The following FGFR2 variants were observed in gnomAD, a reference collection of about 807,000 sequenced individuals.
The protein encoded by FGFR2 is BEK fibroblast growth factor receptor.
In FGFR2, 19 loss-of-function variants were observed where a neutral mutation model predicts 95.9. That is an observed-to-expected ratio of 0.20 (90% CI 0.14 to 0.29). The LOEUF is 0.29. Ranked by LOEUF, FGFR2 falls within the 10% of genes least tolerant of loss-of-function variation. The pLI, the probability that FGFR2 is intolerant of heterozygous loss-of-function variation, is 1.00. For synonymous variants in FGFR2, 392 were observed against 393.3 expected (o/e 1.00, Z 0.04); for missense variants, 707 against 1,056.9 (o/e 0.67, Z 4.59).
chr10:121,526,744 T>C (rs1202534109), intron 6 of FGFR2: 1 of 398,536 alleles, frequency 2.5e-6, no homozygotes, highest in African/African-American at 2.1e-5. Flanking sequence ...TTGTTTTGTT[T>C]AAACACATTT....
intron 13 of FGFR2, 69 bp downstream of exon 13, chr10:121,496,463 A>T: frequency 3.4e-6 from 5 of 1,472,446 alleles, no homozygotes; most frequent in Non-Finnish European, 4.8e-6. Context: ...GCATGTCCAA[A>T]TTGCCTGTTT....
chr10:121,593,369 T>C (rs1206813862), intron 2 of FGFR2, among the ~76,000 whole-genome samples: 2 of 152,224 alleles, frequency 1.3e-5, no homozygotes, highest in Non-Finnish European at 2.9e-5. Flanking sequence ...GTAGGAATGA[T>C]GCTGGGGGAG....
In FGFR2 at chr10:121,598,393, C is replaced by T. The variant is rs1863749647; in HGVS notation, c.-582G>A. 6.3e-6 allele frequency: 1 copy of T among 158,204 alleles called. No homozygotes were observed. Among genetic ancestry groups the T allele is most frequent in the South Asian group, 1.7e-4 (1 of 5,750 alleles). 9.8% of individuals were successfully genotyped at this position (158,204 alleles called of 1,614,324 possible). ...GCTTTGTGGCGGCCGCGCGCGCTCC[C>T]TCGCCCGCTCCGCACCCGCCGCCCG... On this transcript the variant is annotated 5_prime_UTR_variant, in exon 1 of 18. Coordinates refer to ENST00000358487, the MANE Select transcript of FGFR2 (RefSeq NM_000141.5).
intron 2 of FGFR2, among the ~76,000 whole-genome samples, chr10:121,580,614 C>G (rs1860704220): frequency 6.6e-6 from 1 of 152,146 alleles, no homozygotes; most frequent in Admixed American, 6.5e-5. Context: ...TGGTTTTGCA[C>G]CGCAGGACCC....
intron 2 of FGFR2, among the ~76,000 whole-genome samples, chr10:121,592,085 T>C (rs551891776): frequency 6.6e-6 from 1 of 152,280 alleles, no homozygotes; most frequent in African/African-American, 2.4e-5. Context: ...AAATGACAGT[T>C]TTTCCCTAAC....
At chr10:121,557,090 AAT>A (rs948680506) in intron 4 of FGFR2, among the ~76,000 whole-genome samples, 2 of 152,212 alleles carry the variant, frequency 1.3e-5, no homozygotes, top group African/African-American at 4.8e-5. Flanking sequence ...TTCAATCAGA[AAT>A]ATATGTTTTC....
chr10:121,572,158 GAA>G (rs71022844), intron 2 of FGFR2, among the ~76,000 whole-genome samples: 4,652 of 105,848 alleles, frequency 0.044, 234 homozygotes, highest in African/African-American at 0.14. Context: ...CACAAAAAAT[GAA>G]AAAAAAAAAA....
intron 6 of FGFR2, among the ~76,000 whole-genome samples, chr10:121,521,851 A>G (rs1301595875): frequency 6.6e-6 from 1 of 152,218 alleles, no homozygotes; most frequent in Non-Finnish European, 1.5e-5. Flanking sequence ...CTGCACTCCT[A>G]TATTAATTGC....
chr10:121,567,535 C>T (rs533912547), intron 2 of FGFR2, among the ~76,000 whole-genome samples: 1 of 152,324 alleles, frequency 6.6e-6, no homozygotes, highest in Non-Finnish European at 1.5e-5. Context: ...AAGATAAAGA[C>T]CCTGCACTTG....
intron 4 of FGFR2, among the ~76,000 whole-genome samples, chr10:121,552,095 G>T (rs41302321): frequency 0.022 from 3,355 of 151,938 alleles, 135 homozygotes; most frequent in African/African-American, 0.076. Flanking sequence ...TCCAATGGTG[G>T]TTATGAATGC....
chr10:121,576,347 G>GTGCCTGGC (rs1859758261), intron 2 of FGFR2, among the ~76,000 whole-genome samples: 1 of 152,190 alleles, frequency 6.6e-6, no homozygotes. Context: ...AGGAGTCTGT[G>GTGCCTGGC]TGCCTGGCTG....
Position 121,479,787 on chromosome 10 carries a change from C to G in FGFR2, c.*70G>C, listed in dbSNP as rs1479637678. On this transcript the variant is annotated 3_prime_UTR_variant, in exon 18 of 18. Transcript: ENST00000358487. ...AGTGGAGACAACAAGCTCTGGGAGG[C>G]ATGGTCTCCCTGCTCAGTGTAGCTA... The G allele has an allele frequency of 3.1e-6, 5 of 1,613,478 alleles. No individual in the cohort carries two copies. Among genetic ancestry groups the G allele is most frequent in the Non-Finnish European group, 4.2e-6 (5 of 1,179,462 alleles).
At chr10:121,562,492 G>A (rs898797818) in intron 4 of FGFR2, among the ~76,000 whole-genome samples, 2 of 152,098 alleles carry the variant, frequency 1.3e-5, no homozygotes, top group Non-Finnish European at 2.9e-5. Context: ...TGCCATGTTG[G>A]CCAAGCTGGT....
At chr10:121,524,508 C>T (rs1440049075) in intron 6 of FGFR2, among the ~76,000 whole-genome samples, 3 of 152,178 alleles carry the variant, frequency 2.0e-5, no homozygotes, top group African/African-American at 7.2e-5. Flanking sequence ...TTAAACAAGT[C>T]GGAGGAGGAG....
At chr10:121,509,132 C>G (rs1252898376) in intron 9 of FGFR2, among the ~76,000 whole-genome samples, 1 of 152,214 alleles carries the variant, frequency 6.6e-6, no homozygotes, top group Admixed American at 6.5e-5. Context: ...TTCTTCAATT[C>G]CTACCTAGAA....
In FGFR2 at chr10:121,518,775, C is replaced by G. The variant is rs1188937150; in HGVS notation, c.939+1204G>C. Reference sequence around the variant, plus strand: ...CATATATATTCCCCAGCATCCGCCTCGGTCACATTGAACAGAGCCAGCACT... The same window carrying G: ...CATATATATTCCCCAGCATCCGCCTGGGTCACATTGAACAGAGCCAGCACT... On this transcript the variant is annotated intron_variant, in intron 7 of 17. Transcript: ENST00000358487. The surrounding 1 kb of genome is among the most constrained non-coding windows in gnomAD (Gnocchi z 4.0). The G allele has an allele frequency of 6.2e-7, 1 of 1,614,052 alleles. No individual in the cohort carries two copies. The highest frequency in any genetic ancestry group is 8.5e-7 in the Non-Finnish European group (1 of 1,180,032).
At chr10:121,516,402 T>C (rs1388451846) in intron 8 of FGFR2, among the ~76,000 whole-genome samples, 1 of 152,224 alleles carries the variant, frequency 6.6e-6, no homozygotes, top group East Asian at 1.9e-4. Context: ...AGAAAAATAC[T>C]TGCAAGATAG....
At chr10:121,558,205 T>C (rs1370923695) in intron 4 of FGFR2, among the ~76,000 whole-genome samples, 1 of 152,226 alleles carries the variant, frequency 6.6e-6, no homozygotes, top group Non-Finnish European at 1.5e-5. Flanking sequence ...GATAACCCAT[T>C]AACATACCTA....
chr10:121,579,699 G>T (rs1164152955), intron 2 of FGFR2, among the ~76,000 whole-genome samples: 1 of 152,136 alleles, frequency 6.6e-6, no homozygotes, highest in Non-Finnish European at 1.5e-5. Flanking sequence ...ACCCCAGCAG[G>T]GCTCAGGAGC....
Sources: gnomAD v4.1 joint callset for allele counts (sites outside exome capture counted in the v4.1 genomes callset) on GRCh38, gnomAD v4.1.1 for gene constraint, Gnocchi (gnomAD v3.1) non-coding constraint, MANE v1.5 for transcripts, NCBI Gene and HGNC (gene_info 2026-07-23, HGNC 2026-07-21) for gene names.